Variants in EHBP1 observed in about 807,000 individuals in gnomAD.
EHBP1 encodes the protein EH domain-binding protein 1.
A neutral mutation model predicts 144.0 loss-of-function variants in EHBP1; 55 were observed. The ratio of observed to expected loss-of-function variants is 0.38; its 90% CI spans 0.31 to 0.48. The LOEUF is 0.48. EHBP1 is among the 20% of genes least tolerant of loss of function. The pLI is 0.98. For synonymous variants in EHBP1, 469 were observed against 472.7 expected, an observed-to-expected ratio of 0.99 and a Z score of 0.10; for missense variants, 1,200 against 1,364.2, an observed-to-expected ratio of 0.88 and a Z score of 1.90.
At chr2:62,696,925 G>C (rs1218803762) in intron 1 of EHBP1, among the ~76,000 whole-genome samples, 1 of 152,112 alleles carries the variant, frequency 6.6e-6, no homozygotes, top group African/African-American at 2.4e-5. Flanking sequence ...AAATATTTCT[G>C]AGGAAAAGAC....
At chr2:63,001,281 C>T (rs990512580) in intron 19 of EHBP1, among the ~76,000 whole-genome samples, 2 of 152,110 alleles carry the variant, frequency 1.3e-5, no homozygotes, top group Non-Finnish European at 2.9e-5. Context: ...AGTTTATAAC[C>T]TTTAAGCACT....
intron 10 of EHBP1, among the ~76,000 whole-genome samples, chr2:62,895,649 A>T (rs2052858726): frequency 6.6e-6 from 1 of 152,236 alleles, no homozygotes; most frequent in Non-Finnish European, 1.5e-5. Flanking sequence ...TGAAGACAGT[A>T]TGTGACAGAT....
At chr2:62,707,611 GAC>G (rs2034726334) in intron 2 of EHBP1, among the ~76,000 whole-genome samples, 1 of 152,144 alleles carries the variant, frequency 6.6e-6, no homozygotes, top group South Asian at 2.1e-4. Flanking sequence ...ATTTTAAGGA[GAC>G]AAAGAATGGC....
At chr2:62,677,464 C>T (rs186886651) in intron 1 of EHBP1, among the ~76,000 whole-genome samples, 11 of 152,060 alleles carry the variant, frequency 7.2e-5, no homozygotes, top group East Asian at 5.8e-4. Flanking sequence ...ATGTGTCCAC[C>T]GCCTCAAGCA....
intron 9 of EHBP1, among the ~76,000 whole-genome samples, chr2:62,867,088 G>T (rs529912748): frequency 5.9e-5 from 9 of 152,088 alleles, no homozygotes; most frequent in African/African-American, 2.2e-4. Context: ...AAGGAAAAAA[G>T]CACATGAAAT....
At chr2:62,763,775 C>G (rs1279643935) in intron 3 of EHBP1, among the ~76,000 whole-genome samples, 1 of 152,136 alleles carries the variant, frequency 6.6e-6, no homozygotes, top group East Asian at 1.9e-4. Flanking sequence ...GAAACTGATG[C>G]TGTTCTTTAT....
rs2059623533 is a variant in EHBP1, at chr2:62,996,300, C to T, written c.2980-343C>T. ...CCATTGGTGTTTGTTTTGATAATCA[C>T]AAAGGGGAAAATTATCTTCTTTGTC... On this transcript the variant is annotated intron_variant, in intron 18 of 22. Transcript: ENST00000431489. Among the ~76,000 whole-genome samples, 2 of 152,000 alleles carry T rather than the reference C, an allele frequency of 1.3e-5. 1 individual carries two copies. The highest frequency in any genetic ancestry group is 4.1e-4 in the South Asian group (2 of 4,826).
At chr2:62,902,139 G>A (rs1432125766) in intron 10 of EHBP1, among the ~76,000 whole-genome samples, 2 of 152,104 alleles carry the variant, frequency 1.3e-5, no homozygotes, top group Admixed American at 6.6e-5. Context: ...TTCTACAAGA[G>A]CATTTTTTAA....
intron 14 of EHBP1, among the ~76,000 whole-genome samples, chr2:62,960,269 C>T (rs2057935326): frequency 6.6e-6 from 1 of 151,976 alleles, no homozygotes; most frequent in Admixed American, 6.6e-5. Context: ...CATTTCTTAC[C>T]TCTCTCATTT....
chr2:63,013,329 GAA>G (rs2060346630), intron 19 of EHBP1, among the ~76,000 whole-genome samples: 1 of 152,114 alleles, frequency 6.6e-6, no homozygotes, highest in African/African-American at 2.4e-5. Flanking sequence ...CAGGCAAAAG[GAA>G]AAGTCAGAGC....
chr2:62,821,904 G>C (rs2046011234), intron 5 of EHBP1, among the ~76,000 whole-genome samples: 2 of 152,042 alleles, frequency 1.3e-5, no homozygotes, highest in Admixed American at 1.3e-4. Flanking sequence ...TTTGATATAG[G>C]AATGCAATGC....
At chr2:62,716,065 C>T (rs2035644864) in intron 2 of EHBP1, among the ~76,000 whole-genome samples, 1 of 152,164 alleles carries the variant, frequency 6.6e-6, no homozygotes, top group African/African-American at 2.4e-5. Flanking sequence ...TTCTGAATTA[C>T]CCTGAATTCA....
chr2:62,753,297 A>G (rs952980965), intron 3 of EHBP1, among the ~76,000 whole-genome samples: 1 of 152,130 alleles, frequency 6.6e-6, no homozygotes. Context: ...CTGGGTTGAA[A>G]ATTCTTTTCT....
At chr2:63,011,296 T>A (rs1222955865) in intron 19 of EHBP1, among the ~76,000 whole-genome samples, 4 of 151,938 alleles carry the variant, frequency 2.6e-5, no homozygotes, top group African/African-American at 9.7e-5. Context: ...CATCTGGCCT[T>A]TAAGTCATAG....
chr2:62,989,840 T>C (rs1212320707), intron 15 of EHBP1, among the ~76,000 whole-genome samples: 5 of 152,218 alleles, frequency 3.3e-5, no homozygotes, highest in Non-Finnish European at 7.4e-5. Context: ...ATAAATTGTT[T>C]AATCTTTATC....
chr2:62,921,449 A>G (rs534177565), intron 10 of EHBP1, among the ~76,000 whole-genome samples: 1 of 152,262 alleles, frequency 6.6e-6, no homozygotes, highest in African/African-American at 2.4e-5. Flanking sequence ...TGTCTCAAAA[A>G]AGAAAAAAAA....
At chr2:62,903,765 TGAA>T (rs2152954255) in intron 10 of EHBP1, among the ~76,000 whole-genome samples, 1 of 134,762 alleles carries the variant, frequency 7.4e-6, no homozygotes, top group African/African-American at 2.8e-5. Context: ...GACCCTGCCT[TGAA>T]GAAGGAGAAG....
At chr2:62,870,529 A>T (rs1016946350) in intron 9 of EHBP1, among the ~76,000 whole-genome samples, 3 of 151,964 alleles carry the variant, frequency 2.0e-5, no homozygotes, top group African/African-American at 7.2e-5. Flanking sequence ...AGCCTGACCA[A>T]CATGGTGAGA....
intron 2 of EHBP1, among the ~76,000 whole-genome samples, chr2:62,714,253 G>A (rs2035446608): frequency 6.6e-6 from 1 of 152,152 alleles, no homozygotes; most frequent in Non-Finnish European, 1.5e-5. Context: ...GAAAAAGTTT[G>A]CTGACTTCTG....
Sources: gnomAD v4.1 joint callset for allele counts (sites outside exome capture counted in the v4.1 genomes callset) on GRCh38, gnomAD v4.1.1 for gene constraint, MANE v1.5 for transcripts, NCBI Gene and HGNC (gene_info 2026-07-23, HGNC 2026-07-21) for gene names.